Variants in SCN8A observed in about 807,000 individuals in gnomAD.
The protein encoded by SCN8A is sodium channel protein type 8 subunit alpha.
SCN8A carries 30 observed loss-of-function variants against 184.1 expected under a neutral mutation model. The observed-to-expected ratio is 0.16, with a 90% confidence interval of 0.12 to 0.22. The LOEUF is 0.22. Among genes scored for constraint, SCN8A ranks in the 10% least tolerant of loss-of-function variants. The probability of loss-of-function intolerance (pLI) is 1.00; values close to 1 mark genes in which losing one functional copy is unlikely to be tolerated. For missense variants in SCN8A, 1,057 were observed against 2,498.9 expected (o/e 0.42, Z 12.30); for synonymous variants, 852 against 907.0 (o/e 0.94, Z 1.09).
chr12:51,755,277 G>T lies in SCN8A; in HGVS notation c.2370+3684G>T, dbSNP rs150071410. Among the ~76,000 whole-genome samples the T allele has an allele frequency of 1.2e-4, 18 of 152,270 alleles. No individual in the cohort carries two copies. In the East Asian group the frequency reaches 3.5e-3, roughly 29 times the overall value. On this transcript the variant is annotated intron_variant, in intron 14 of 26. Coordinates refer to ENST00000627620, the MANE Select transcript of SCN8A (RefSeq NM_001330260.2). ...TTGATTTCTTCCTTTATTTATATCAGTATGGATTAATGGTTTTCTATTTTA... is the reference window on the plus strand; with the variant it reads ...TTGATTTCTTCCTTTATTTATATCATTATGGATTAATGGTTTTCTATTTTA...
At chr12:51,680,005 G>T (rs1387116436) in intron 2 of SCN8A, among the ~76,000 whole-genome samples, 6 of 151,830 alleles carry the variant, frequency 4.0e-5, no homozygotes, top group African/African-American at 1.5e-4. Context: ...CTTATAGGTG[G>T]ACTATCTTGC....
Position 51,706,723 on chromosome 12 carries a change from C to T in SCN8A, c.1635+8C>T. 1 of 1,504,364 alleles carries T rather than the reference C, an allele frequency of 6.6e-7. No homozygotes were observed. The highest frequency in any genetic ancestry group is 2.3e-5 in the East Asian group (1 of 43,062). 93.2% of individuals were successfully genotyped at this position (1,504,364 alleles called of 1,614,324 possible). On this transcript the variant is annotated splice_region_variant and intron_variant, in intron 11 of 26. Coordinates refer to ENST00000627620, the MANE Select transcript of SCN8A (RefSeq NM_001330260.2). ...TTTTCCATCATGAATCAGGTAAACT[C>T]TTCTTTTTTCTATACCTTTTTCAAA... is the stretch of plus-strand genomic sequence containing the variant.
rs201487381 is a variant in SCN8A, at chr12:51,706,584, G to A, written c.1504G>A (p.Glu502Lys). The A allele has an allele frequency of 6.8e-6, 11 of 1,608,428 alleles. No homozygotes were observed. Among genetic ancestry groups the A allele is most frequent in the Admixed American group, 1.7e-5 (1 of 59,200 alleles). The stretch of plus-strand genomic sequence containing the variant: ...CAGGAGAAAGAAGAGGAAGCAAAAG[G>A]AACTCTCTGAAGGAGAGGAGAAAGG... Reference protein sequence around the residue: ...RNRRKKRKQKELSEGEEKGDP... With the variant: ...RNRRKKRKQKKLSEGEEKGDP... Residue 502 changes from glutamate (E) to lysine (K), a missense_variant, in exon 11 of 27, where the codon GAA becomes AAA. Coordinates refer to ENST00000627620, the MANE Select transcript of SCN8A (RefSeq NM_001330260.2).
intron 2 of SCN8A, among the ~76,000 whole-genome samples, chr12:51,682,116 A>T (rs1234497412): frequency 6.6e-6 from 1 of 152,172 alleles, no homozygotes; most frequent in Non-Finnish European, 1.5e-5. Flanking sequence ...TCCTTTATTA[A>T]TATGTTGCAT....
chr12:51,804,476 G>T (rs958096633), intron 26 of SCN8A, among the ~76,000 whole-genome samples: 8 of 144,416 alleles, frequency 5.5e-5, no homozygotes, highest in African/African-American at 1.8e-4. Flanking sequence ...GCGCCACCGC[G>T]CCCAGCTAAT....
intron 12 of SCN8A, chr12:51,722,685 T>TG (rs1159586898): frequency 6.6e-6 from 1 of 152,064 alleles, no homozygotes; most frequent in Non-Finnish European, 1.5e-5. Flanking sequence ...AGTGGGAGGT[T>TG]GGGGCAAGAA....
At chr12:51,731,236 T>C (rs1565903210) in intron 12 of SCN8A, among the ~76,000 whole-genome samples, 1 of 150,138 alleles carries the variant, frequency 6.7e-6, no homozygotes, top group Non-Finnish European at 1.5e-5. Flanking sequence ...TCTTTTTTCT[T>C]TTTCTTCTTC....
At chr12:51,768,435 A>G (rs2138867215) in intron 16 of SCN8A, among the ~76,000 whole-genome samples, 1 of 152,264 alleles carries the variant, frequency 6.6e-6, no homozygotes. Flanking sequence ...ATGGCACTTC[A>G]AGCCTCATTT....
At chr12:51,664,179 G>A (rs1940983590) in intron 2 of SCN8A, among the ~76,000 whole-genome samples, 1 of 151,316 alleles carries the variant, frequency 6.6e-6, no homozygotes, top group Non-Finnish European at 1.5e-5. Flanking sequence ...AAGAAATCCT[G>A]ATTCTACCAT....
At chr12:51,664,873 T>C (rs1297610484) in intron 2 of SCN8A, among the ~76,000 whole-genome samples, 1 of 152,050 alleles carries the variant, frequency 6.6e-6, no homozygotes, top group Non-Finnish European at 1.5e-5. Context: ...CCTGATGCTC[T>C]CCCTCCCCCC....
At chr12:51,598,581 A>T (rs1939396743) in intron 1 of SCN8A, among the ~76,000 whole-genome samples, 1 of 152,176 alleles carries the variant, frequency 6.6e-6, no homozygotes, top group South Asian at 2.1e-4. Context: ...ACATTTTCTC[A>T]GAAGGCTCTG....
chr12:51,723,725 A>G (rs1238030427), intron 12 of SCN8A, among the ~76,000 whole-genome samples: 2 of 152,004 alleles, frequency 1.3e-5, no homozygotes, highest in African/African-American at 4.8e-5. Context: ...ACAAATACAA[A>G]AGATTAGCCG....
intron 25 of SCN8A, 39 bp downstream of exon 25, chr12:51,790,541 C>A: frequency 7.3e-7 from 1 of 1,373,498 alleles, no homozygotes; most frequent in South Asian, 1.2e-5. Flanking sequence ...GGTGAGAACC[C>A]ATATAGGAAA....
chr12:51,811,139 A>G lies in SCN8A; in HGVS notation c.*3710A>G, dbSNP rs1369951377. The G allele has an allele frequency of 6.6e-6, 1 of 152,168 alleles. No homozygotes were observed. The highest frequency in any genetic ancestry group is 2.4e-5 in the African/African-American group (1 of 41,436). The allele number at this position is 152,168 out of a possible 1,614,324, so 9.4% of individuals were successfully genotyped here. A position where few individuals can be genotyped will look rare whatever the true frequency, so the allele number is the denominator to read the frequency against. Reference sequence around the variant, plus strand: ...GTCTTGGTGTGTTTGTTGCTTGACTATCCCAATTCTTGAGTCCTGGGAGGG... The same window carrying G: ...GTCTTGGTGTGTTTGTTGCTTGACTGTCCCAATTCTTGAGTCCTGGGAGGG... On this transcript the variant is annotated 3_prime_UTR_variant, in exon 27 of 27. Transcript: ENST00000627620.
chr12:51,727,941 CTCTT>C (rs1942181055), intron 12 of SCN8A, among the ~76,000 whole-genome samples: 3 of 151,996 alleles, frequency 2.0e-5, no homozygotes, highest in African/African-American at 4.8e-5. Flanking sequence ...CAGGGCGAGA[CTCTT>C]TCTCAAAAAA....
rs1056696148 is a variant in SCN8A at position 51,806,215 on chromosome 12, T to TA, written c.4796-59dup. On this transcript the variant is annotated intron_variant, in intron 26 of 26. Coordinates refer to ENST00000627620, the MANE Select transcript of SCN8A (RefSeq NM_001330260.2). The surrounding 1 kb of genome is among the most constrained non-coding windows in gnomAD (Gnocchi z 8.7). ...AACCTAAGGGTTCCACAATGCCAGG[T>TA]AAAAAAAATAAAGAGAAAGGGTGTC... is the stretch of plus-strand genomic sequence containing the variant. The TA allele has an allele frequency of 7.1e-5, 100 of 1,400,814 alleles. No homozygotes were observed. In the Admixed American group the frequency reaches 9.4e-4, roughly 13 times the overall value. 86.8% of individuals were successfully genotyped at this position (1,400,814 alleles called of 1,614,324 possible).
chr12:51,598,159 G>A (rs888915670), intron 1 of SCN8A, among the ~76,000 whole-genome samples: 1 of 152,188 alleles, frequency 6.6e-6, no homozygotes, highest in African/African-American at 2.4e-5. Flanking sequence ...TTGTGATAGG[G>A]AGGGAAGAAA....
At chr12:51,724,838 A>G (rs1565901079) in intron 12 of SCN8A, among the ~76,000 whole-genome samples, 1 of 152,254 alleles carries the variant, frequency 6.6e-6, no homozygotes, top group Non-Finnish European at 1.5e-5. Flanking sequence ...AGAGATGATC[A>G]GGTTTAGGGG....
In SCN8A at chr12:51,611,417, C is replaced by T. The variant is rs565388908; in HGVS notation, c.-55+20058C>T. On this transcript the variant is annotated intron_variant, in intron 1 of 26. Coordinates refer to ENST00000627620, the MANE Select transcript of SCN8A (RefSeq NM_001330260.2). ...TGACCTTGTGATCGCCTTCCTCAGC[C>T]TCCCAAAGTGCTGGGATTACAGGCG... Among the ~76,000 whole-genome samples the T allele has an allele frequency of 9.8e-5, 15 of 152,322 alleles. No homozygotes were observed. In the South Asian group the frequency reaches 3.1e-3, roughly 32 times the overall value.
Sources: gnomAD v4.1 joint callset for allele counts (sites outside exome capture counted in the v4.1 genomes callset) on GRCh38, gnomAD v4.1.1 for gene constraint, Gnocchi (gnomAD v3.1) non-coding constraint, MANE v1.5 for transcripts, NCBI Gene and HGNC (gene_info 2026-07-23, HGNC 2026-07-21) for gene names.